Variants in C8A observed in about 807,000 individuals in gnomAD.
C8A encodes complement C8 alpha chain.
A neutral mutation model predicts 65.3 loss-of-function variants in C8A; 67 were observed. The observed-to-expected ratio is 1.03, with a 90% CI of 0.84 to 1.26. The LOEUF (loss-of-function observed/expected upper bound fraction) is 1.26, where lower values mean the gene tolerates loss of function less well. Ranked by LOEUF, C8A falls within the 50% of genes most tolerant of loss-of-function variation. The probability of loss-of-function intolerance (pLI) is 0.00; values close to 1 mark genes in which losing one functional copy is unlikely to be tolerated. For missense variants in C8A, 781 were observed against 723.9 expected (o/e 1.08, Z -0.90); for synonymous variants, 290 against 259.4 (o/e 1.12, Z -1.13).
At chr1:56,904,209 A>G (rs1434731886) in intron 7 of C8A, among the ~76,000 whole-genome samples, 1 of 152,086 alleles carries the variant, frequency 6.6e-6, no homozygotes, top group Non-Finnish European at 1.5e-5. Context: ...TTTGGGTACC[A>G]GGTTTGACTT....
intron 2 of C8A, among the ~76,000 whole-genome samples, chr1:56,872,928 C>G (rs572527964): frequency 6.6e-6 from 1 of 151,428 alleles, no homozygotes; most frequent in Non-Finnish European, 1.5e-5. Context: ...AAAATTGGCT[C>G]TACATTTCTA....
chr1:56,907,452 C>T (rs1644474671), intron 8 of C8A, among the ~76,000 whole-genome samples: 1 of 152,204 alleles, frequency 6.6e-6, no homozygotes, highest in African/African-American at 2.4e-5. Context: ...ATCCTCTCTT[C>T]ATTTACCTGG....
chr1:56,888,839 C>G (rs757177779), intron 7 of C8A, among the ~76,000 whole-genome samples: 2 of 152,094 alleles, frequency 1.3e-5, no homozygotes, highest in Admixed American at 6.5e-5. Flanking sequence ...ATTTAGAGAT[C>G]GGTGTTGTCC....
chr1:56,877,768 C>T (rs1027448301), intron 4 of C8A, among the ~76,000 whole-genome samples: 1 of 152,036 alleles, frequency 6.6e-6, no homozygotes, highest in African/African-American at 2.4e-5. Context: ...CAGAGTGACC[C>T]AGCCCTGTTG....
intron 1 of C8A, among the ~76,000 whole-genome samples, chr1:56,859,331 G>A (rs1456986692): frequency 6.6e-6 from 1 of 152,204 alleles, no homozygotes. Flanking sequence ...GGGTACAATG[G>A]TGAGCAATAC....
rs774614179 is a variant in C8A, at chr1:56,881,550, T to C, written c.570T>C (p.Tyr190=). ...ATGGGGAATGGAGGGAGCTTCGATA[T>C]GACTCCACCTGTGAACGTCTCTACT... ...VYNGEWRELR[Y]DSTCERLYYG... Residue 190 remains tyrosine (Y), a synonymous_variant, in exon 5 of 11, where the codon TAT becomes TAC. Coordinates refer to ENST00000361249, the MANE Select transcript of C8A (RefSeq NM_000562.3). 6.2e-7 allele frequency: 1 copy of C among 1,613,826 alleles called. No individual in the cohort carries two copies. Among genetic ancestry groups the C allele is most frequent in the Admixed American group, 1.7e-5 (1 of 59,986 alleles).
intron 7 of C8A, among the ~76,000 whole-genome samples, chr1:56,893,246 C>T (rs1644362185): frequency 6.6e-6 from 1 of 152,084 alleles, no homozygotes; most frequent in African/African-American, 2.4e-5. Flanking sequence ...ATGAAAAGCA[C>T]TGTGATACCT....
At chr1:56,892,966 C>A (rs1431579352) in intron 7 of C8A, among the ~76,000 whole-genome samples, 1 of 152,046 alleles carries the variant, frequency 6.6e-6, no homozygotes, top group Admixed American at 6.6e-5. Context: ...TTGCAAAGAC[C>A]TCACAGAAAA....
Position 56,917,734 on chromosome 1 carries a change from C to T in C8A, c.*18C>T, listed in dbSNP as rs755143015. 4 of 1,613,642 alleles carry T rather than the reference C, an allele frequency of 2.5e-6. No homozygotes were observed. Among genetic ancestry groups the T allele is most frequent in the Non-Finnish European group, 3.4e-6 (4 of 1,179,920 alleles). On this transcript the variant is annotated 3_prime_UTR_variant, in exon 11 of 11. Coordinates refer to ENST00000361249, the MANE Select transcript of C8A (RefSeq NM_000562.3). ...CTTGCTGAGGGCCTCTGGACACAGG[C>T]TGGACCAGATGCTGTGGATGTCGAC...
At chr1:56,911,614 C>A (rs1253378856) in intron 9 of C8A, among the ~76,000 whole-genome samples, 1 of 152,192 alleles carries the variant, frequency 6.6e-6, no homozygotes, top group Non-Finnish European at 1.5e-5. Flanking sequence ...GCCAGAGACT[C>A]TGCTAAACAG....
intron 2 of C8A, among the ~76,000 whole-genome samples, chr1:56,871,941 T>C (rs1644150267): frequency 6.6e-6 from 1 of 152,226 alleles, no homozygotes; most frequent in African/African-American, 2.4e-5. Context: ...AATCTGTTCC[T>C]ATAAGTCACC....
intron 7 of C8A, among the ~76,000 whole-genome samples, chr1:56,889,993 A>AT (rs1442181598): frequency 2.0e-5 from 3 of 151,938 alleles, no homozygotes; most frequent in Non-Finnish European, 4.4e-5. Context: ...CTAGATTTAG[A>AT]TTTTTTTCCC....
At chr1:56,895,021 A>G (rs963814265) in intron 7 of C8A, among the ~76,000 whole-genome samples, 1 of 152,166 alleles carries the variant, frequency 6.6e-6, no homozygotes, top group Non-Finnish European at 1.5e-5. Context: ...GATCCTCATA[A>G]TAACTTTATG....
chr1:56,912,816 C>G (rs1396685470), intron 10 of C8A, among the ~76,000 whole-genome samples, 191 bp downstream of exon 10: 2 of 152,220 alleles, frequency 1.3e-5, no homozygotes, highest in Non-Finnish European at 2.9e-5. Flanking sequence ...GCCATCAAGA[C>G]CTTTTCTCAG....
At position 56,912,543 on chromosome 1, in the gene C8A, G is replaced by A. The variant is rs1325737953; in HGVS notation, c.1521G>A (p.Val507=). 6.2e-7 allele frequency: 1 copy of A among 1,614,108 alleles called. No homozygotes were observed. The highest frequency in any genetic ancestry group is 8.5e-7 in the Non-Finnish European group (1 of 1,180,052). ...CRCGPCFNNG[V]PILEGTSCRC... is the part of the protein sequence containing the mutation. ...GTGGGCCTTGCTTCAACAATGGGGT[G>A]CCCATCCTCGAGGGCACCAGCTGCA... The change falls in exon 10 of 11, where the codon GTG becomes GTA. Residue 507 remains valine (V), a synonymous_variant. Transcript: ENST00000361249.
intron 1 of C8A, among the ~76,000 whole-genome samples, chr1:56,865,608 A>T (rs1644077966): frequency 6.6e-6 from 1 of 152,160 alleles, no homozygotes; most frequent in South Asian, 2.1e-4. Context: ...TTCCTGGAAC[A>T]TCATTTTTTC....
chr1:56,917,111 G>A (rs895060792), intron 10 of C8A, among the ~76,000 whole-genome samples: 8 of 152,162 alleles, frequency 5.3e-5, no homozygotes, highest in Middle Eastern at 3.2e-3. Context: ...ATGGAACTGC[G>A]GATTCCAATT....
At chr1:56,881,015 CATGTGGGA>C (rs1022075650) in intron 4 of C8A, among the ~76,000 whole-genome samples, 1 of 152,150 alleles carries the variant, frequency 6.6e-6, no homozygotes, top group Admixed American at 6.6e-5. Context: ...GGCTGCTTCC[CATGTGGGA>C]ATATGATTCT....
chr1:56,863,146 C>A (rs913491280), intron 1 of C8A, among the ~76,000 whole-genome samples: 13 of 152,056 alleles, frequency 8.5e-5, no homozygotes, highest in African/African-American at 3.1e-4. Flanking sequence ...GAAAATATAA[C>A]TAAATATTAA....
Sources: allele counts gnomAD v4.1 joint callset (sites outside exome capture counted in the v4.1 genomes callset), GRCh38; gene constraint gnomAD v4.1.1; transcripts MANE v1.5; gene names NCBI Gene and HGNC (gene_info 2026-07-23, HGNC 2026-07-21).